Variants in EYA1 observed in about 807,000 individuals in gnomAD.
The protein encoded by EYA1 is EYA transcriptional coactivator and phosphatase 1.
Under a neutral mutation model 82.0 loss-of-function variants are expected in EYA1, and 16 were observed. The observed-to-expected ratio is 0.20, with a 90% CI of 0.13 to 0.30. The LOEUF (loss-of-function observed/expected upper bound fraction) is 0.30, where lower values mean the gene tolerates loss of function less well. Among genes scored for constraint, EYA1 ranks in the 10% least tolerant of loss-of-function variants. The probability of loss-of-function intolerance (pLI) is 1.00; values close to 1 mark genes in which losing one functional copy is unlikely to be tolerated. For synonymous variants in EYA1, 261 were observed against 264.4 expected (o/e 0.99, Z 0.12); for missense variants, 633 against 730.7 (o/e 0.87, Z 1.54).
At chr8:71,295,761 C>A (rs1463121428) in intron 9 of EYA1, among the ~76,000 whole-genome samples, 3 of 152,162 alleles carry the variant, frequency 2.0e-5, no homozygotes, top group Admixed American at 6.5e-5. Flanking sequence ...AAAAAAACTG[C>A]ACACAAATGT....
chr8:71,330,894 C>A (rs1341078719), intron 4 of EYA1, among the ~76,000 whole-genome samples: 3 of 150,736 alleles, frequency 2.0e-5, no homozygotes, highest in Admixed American at 2.0e-4. Context: ...CGCATATGTA[C>A]CTCACATTCT....
At chr8:71,407,896 G>C (rs1295115839) in intron 2 of EYA1, among the ~76,000 whole-genome samples, 2 of 150,168 alleles carry the variant, frequency 1.3e-5, no homozygotes, top group African/African-American at 2.4e-5. Context: ...TCCTTGAGAA[G>C]AGCAACTCCA....
chr8:71,227,912 A>T (rs1416743443), intron 12 of EYA1, among the ~76,000 whole-genome samples: 1 of 152,204 alleles, frequency 6.6e-6, no homozygotes, highest in East Asian at 1.9e-4. Context: ...AACTTCAGTT[A>T]ACTTATACTG....
At chr8:71,531,466 T>C (rs914457883) in intron 2 of EYA1, among the ~76,000 whole-genome samples, 19 of 152,042 alleles carry the variant, frequency 1.2e-4, no homozygotes, top group Non-Finnish European at 2.8e-4. Context: ...GGTTATCGAG[T>C]GGTGGGTTTT....
At chr8:71,318,668 A>T (rs2129027229) in intron 6 of EYA1, among the ~76,000 whole-genome samples, 1 of 152,276 alleles carries the variant, frequency 6.6e-6, no homozygotes, top group African/African-American at 2.4e-5. Flanking sequence ...CACATTTTTT[A>T]ATAATTTTGC....
At chr8:71,388,533 C>T (rs766102965) in intron 2 of EYA1, among the ~76,000 whole-genome samples, 11 of 152,094 alleles carry the variant, frequency 7.2e-5, no homozygotes, top group Admixed American at 1.3e-4. Context: ...GGAAGAGATC[C>T]GAGGACCTTT....
chr8:71,466,838 C>T (rs973969826), intron 2 of EYA1, among the ~76,000 whole-genome samples: 5 of 152,248 alleles, frequency 3.3e-5, no homozygotes, highest in African/African-American at 1.2e-4. Context: ...CACAGACTCA[C>T]ATTACTGTTC....
At chr8:71,503,692 A>G (rs1811984739) in intron 2 of EYA1, among the ~76,000 whole-genome samples, 1 of 152,238 alleles carries the variant, frequency 6.6e-6, no homozygotes, top group Non-Finnish European at 1.5e-5. Flanking sequence ...ATGATAACCA[A>G]TGTTATTTGA....
At chr8:71,444,973 A>T (rs1806755259) in intron 2 of EYA1, among the ~76,000 whole-genome samples, 1 of 152,210 alleles carries the variant, frequency 6.6e-6, no homozygotes, top group Admixed American at 6.5e-5. Context: ...CCATGTGTGA[A>T]ATTGGAGAGA....
chr8:71,300,174 G>A (rs763814616), intron 7 of EYA1, among the ~76,000 whole-genome samples: 5 of 152,110 alleles, frequency 3.3e-5, no homozygotes, highest in Non-Finnish European at 7.4e-5. Context: ...TTAAAATGGC[G>A]TATGGAAAAA....
rs185101906 is a variant in EYA1, at chr8:71,533,665, C to A, written c.33+2079G>T. Among the ~76,000 whole-genome samples the A allele has an allele frequency of 2.6e-5, 4 of 152,278 alleles. No homozygotes were observed. The East Asian group carries it at 7.7e-4, about 29-fold the overall frequency. Reference sequence around the variant, plus strand: ...TCTTCCCATCTTGAGCCTCTCTCCCCCACTTCCTAAAGCAAAGGAGTAACC... The same window carrying A: ...TCTTCCCATCTTGAGCCTCTCTCCCACACTTCCTAAAGCAAAGGAGTAACC... On this transcript the variant is annotated intron_variant, in intron 2 of 18. Transcript: ENST00000643681.
At chr8:71,473,366 AAAC>A (rs1381911275) in intron 2 of EYA1, among the ~76,000 whole-genome samples, 1 of 151,426 alleles carries the variant, frequency 6.6e-6, no homozygotes, top group African/African-American at 2.4e-5. Context: ...AAAAAAAAAA[AAAC>A]CCATCAAAAA....
intron 4 of EYA1, among the ~76,000 whole-genome samples, chr8:71,326,979 T>C (rs564731844): frequency 6.6e-6 from 1 of 152,332 alleles, no homozygotes; most frequent in African/African-American, 2.4e-5. Flanking sequence ...CCAAACTTAT[T>C]GCTGCCCTTC....
intron 8 of EYA1, among the ~76,000 whole-genome samples, 193 bp downstream of exon 8, chr8:71,299,445 G>A (rs1819953919): frequency 6.6e-6 from 1 of 152,118 alleles, no homozygotes; most frequent in Non-Finnish European, 1.5e-5. Flanking sequence ...TTTCTATGAT[G>A]CAATACTAGG....
intron 2 of EYA1, among the ~76,000 whole-genome samples, chr8:71,502,246 G>T (rs1294555351): frequency 2.0e-5 from 3 of 152,194 alleles, no homozygotes; most frequent in Admixed American, 6.5e-5. Flanking sequence ...AGATATGTGA[G>T]CTGTGTGAAC....
chr8:71,294,896 G>C (rs923605251), intron 9 of EYA1, among the ~76,000 whole-genome samples: 1 of 152,124 alleles, frequency 6.6e-6, no homozygotes, highest in Non-Finnish European at 1.5e-5. Flanking sequence ...TAGACAAATG[G>C]ATCAATGGAA....
At chr8:71,524,028 CT>C (rs1335550828) in intron 2 of EYA1, among the ~76,000 whole-genome samples, 1 of 152,260 alleles carries the variant, frequency 6.6e-6, no homozygotes, top group Non-Finnish European at 1.5e-5. Context: ...GTAATGTAAA[CT>C]TTTTAACAAA....
chr8:71,439,783 G>T (rs1806276857), intron 2 of EYA1, among the ~76,000 whole-genome samples: 1 of 152,170 alleles, frequency 6.6e-6, no homozygotes, highest in Non-Finnish European at 1.5e-5. Context: ...GGTAAGTAGA[G>T]TTGTGCTTAA....
chr8:71,389,702 T>TA (rs1829163901), intron 2 of EYA1, among the ~76,000 whole-genome samples: 2 of 152,194 alleles, frequency 1.3e-5, no homozygotes, highest in Admixed American at 6.5e-5. Flanking sequence ...AGATACATGT[T>TA]AAAAATCTTT....
Sources: gnomAD v4.1 joint callset for allele counts (sites outside exome capture counted in the v4.1 genomes callset) on GRCh38, gnomAD v4.1.1 for gene constraint, MANE v1.5 for transcripts, NCBI Gene and HGNC (gene_info 2026-07-23, HGNC 2026-07-21) for gene names.